The following CLEC16A variants were observed in gnomAD, a reference collection of about 807,000 sequenced individuals.
The protein encoded by CLEC16A is protein CLEC16A.
CLEC16A carries 51 observed loss-of-function variants against 109.5 expected under a neutral mutation model. The ratio of observed to expected loss-of-function variants is 0.47; its 90% CI spans 0.37 to 0.59. CLEC16A has a LOEUF of 0.59. Among genes scored for constraint, CLEC16A ranks in the 20% least tolerant of loss-of-function variants. The pLI is 0.00. For synonymous variants in CLEC16A, 673 were observed against 564.2 expected, an observed-to-expected ratio of 1.19 and a Z score of -2.73; for missense variants, 1,339 against 1,394.0, an observed-to-expected ratio of 0.96 and a Z score of 0.63.
intron 19 of CLEC16A, among the ~76,000 whole-genome samples, chr16:11,093,169 T>C (rs994156182): frequency 1.3e-5 from 2 of 152,292 alleles, no homozygotes; most frequent in Admixed American, 6.5e-5. Flanking sequence ...TGCACCCTCA[T>C]CTCTTATGAA....
intron 7 of CLEC16A, among the ~76,000 whole-genome samples, chr16:10,974,948 C>A (rs1362946003): frequency 6.6e-6 from 1 of 152,156 alleles, no homozygotes; most frequent in Non-Finnish European, 1.5e-5. Flanking sequence ...ATAGATAATA[C>A]CTAAAATGGC....
intron 19 of CLEC16A, among the ~76,000 whole-genome samples, chr16:11,085,797 G>A (rs574797647): frequency 1.2e-4 from 19 of 152,274 alleles, no homozygotes; most frequent in Non-Finnish European, 2.2e-4. Context: ...TCATCTTGTT[G>A]CCCAGGCTAG....
At chr16:11,084,448 A>G (rs2152952279) in intron 19 of CLEC16A, among the ~76,000 whole-genome samples, 1 of 152,278 alleles carries the variant, frequency 6.6e-6, no homozygotes, top group South Asian at 2.1e-4. Flanking sequence ...CAGGCCAGAT[A>G]TGAATGAATG....
At chr16:11,059,577 G>T (rs1020633823) in intron 18 of CLEC16A, among the ~76,000 whole-genome samples, 1 of 152,106 alleles carries the variant, frequency 6.6e-6, no homozygotes, top group African/African-American at 2.4e-5. Context: ...CAGTAATTTG[G>T]CCCCTTTCTA....
intron 22 of CLEC16A, among the ~76,000 whole-genome samples, chr16:11,135,333 G>C (rs1597511956): frequency 6.6e-6 from 1 of 152,224 alleles, no homozygotes; most frequent in Non-Finnish European, 1.5e-5. Context: ...CACACAGCCA[G>C]AGAAGGAACC....
chr16:11,017,681 C>G (rs1343439039), intron 11 of CLEC16A, among the ~76,000 whole-genome samples: 1 of 152,120 alleles, frequency 6.6e-6, no homozygotes, highest in Non-Finnish European at 1.5e-5. Context: ...AGTATGTGCC[C>G]TGATAGGATG....
At chr16:11,016,416 T>C (rs1277372730) in intron 11 of CLEC16A, among the ~76,000 whole-genome samples, 3 of 151,786 alleles carry the variant, frequency 2.0e-5, no homozygotes, top group African/African-American at 7.3e-5. Context: ...TGGCCCAATC[T>C]TGGCTCACTG....
In CLEC16A at chr16:10,944,625, G is replaced by T; in HGVS notation, c.-93G>T. On this transcript the variant is annotated 5_prime_UTR_variant, in exon 1 of 24. Coordinates refer to ENST00000409790, the MANE Select transcript of CLEC16A (RefSeq NM_015226.3). Reference sequence around the variant, plus strand: ...CGGTTCCTCCACCGCCTCCGCCGCCGCATCCTCCGCTTGTGCTACCGCCGC... The same window carrying T: ...CGGTTCCTCCACCGCCTCCGCCGCCTCATCCTCCGCTTGTGCTACCGCCGC... 1 of 1,234,224 alleles carries T rather than the reference G, an allele frequency of 8.1e-7. No individual in the cohort carries two copies. The highest frequency in any genetic ancestry group is 1.1e-6 in the Non-Finnish European group (1 of 878,720). The allele number at this position is 1,234,224 out of a possible 1,614,324, so 76.5% of individuals were successfully genotyped here.
At chr16:11,155,887 G>T (rs78074071) in intron 22 of CLEC16A, among the ~76,000 whole-genome samples, 3,869 of 152,278 alleles carry the variant, frequency 0.025, 180 homozygotes, top group African/African-American at 0.089. Context: ...ATGTGTCAAC[G>T]GCAGGTGCCT....
chr16:10,993,588 G>A (rs772901721), intron 10 of CLEC16A, among the ~76,000 whole-genome samples: 7 of 152,156 alleles, frequency 4.6e-5, no homozygotes, highest in African/African-American at 7.2e-5. Context: ...TTGCAATTAT[G>A]TTTTCCAGTT....
At chr16:11,103,389 G>T (rs2051036124) in intron 19 of CLEC16A, among the ~76,000 whole-genome samples, 1 of 152,186 alleles carries the variant, frequency 6.6e-6, no homozygotes, top group East Asian at 1.9e-4. Context: ...AGACCAGCCT[G>T]GCCAACATGG....
chr16:11,154,583 G>A (rs1261965523), intron 22 of CLEC16A, among the ~76,000 whole-genome samples: 5 of 152,078 alleles, frequency 3.3e-5, no homozygotes, highest in Admixed American at 2.0e-4. Flanking sequence ...CAAAGAGCTG[G>A]GCCATTTCTT....
chr16:10,966,848 C>G, intron 3 of CLEC16A, among the ~76,000 whole-genome samples: 1 of 152,166 alleles, frequency 6.6e-6, no homozygotes, highest in East Asian at 1.9e-4. Flanking sequence ...ATTATGGGAA[C>G]TACAATTCAA....
At chr16:10,984,160 G>A (rs999790099) in intron 10 of CLEC16A, among the ~76,000 whole-genome samples, 11 of 152,174 alleles carry the variant, frequency 7.2e-5, no homozygotes, top group African/African-American at 2.7e-4. Context: ...ATGAATGGGT[G>A]GAATGTGACC....
intron 19 of CLEC16A, among the ~76,000 whole-genome samples, chr16:11,111,797 A>G (rs1047446984): frequency 1.3e-5 from 2 of 152,234 alleles, no homozygotes; most frequent in Admixed American, 1.3e-4. Flanking sequence ...TTTCATGTTT[A>G]CCTTAATGAT....
At chr16:11,110,479 C>G (rs1185238423) in intron 19 of CLEC16A, among the ~76,000 whole-genome samples, 1 of 152,172 alleles carries the variant, frequency 6.6e-6, no homozygotes, top group East Asian at 1.9e-4. Flanking sequence ...TACGGGAATT[C>G]TGAAAAACAA....
intron 22 of CLEC16A, among the ~76,000 whole-genome samples, chr16:11,153,363 T>A (rs1291988723): frequency 6.6e-6 from 1 of 151,922 alleles, no homozygotes; most frequent in Non-Finnish European, 1.5e-5. Context: ...GAAACTAAGG[T>A]TTTTATGACC....
intron 19 of CLEC16A, among the ~76,000 whole-genome samples, chr16:11,080,563 T>G (rs1474378454): frequency 2.0e-5 from 3 of 152,246 alleles, no homozygotes; most frequent in Non-Finnish European, 4.4e-5. Flanking sequence ...TACACATTTC[T>G]ACAACACCCA....
At chr16:11,014,045 T>A (rs1365244613) in intron 11 of CLEC16A, among the ~76,000 whole-genome samples, 1 of 152,252 alleles carries the variant, frequency 6.6e-6, no homozygotes, top group East Asian at 1.9e-4. Context: ...ATTTTAAAAA[T>A]GCATGGAATA....
Sources: allele counts gnomAD v4.1 joint callset (sites outside exome capture counted in the v4.1 genomes callset), GRCh38; gene constraint gnomAD v4.1.1; transcripts MANE v1.5; gene names NCBI Gene and HGNC (gene_info 2026-07-23, HGNC 2026-07-21).